ZNF35: variants seen among roughly 807,000 people sequenced by gnomAD.
The protein encoded by ZNF35 is zinc finger protein 35, also known as zinc finger protein 35 (clone HF.10).
ZNF35 carries 31 observed loss-of-function variants against 45.9 expected under a neutral mutation model. The ratio of observed to expected loss-of-function variants is 0.68; its 90% CI spans 0.51 to 0.91. The LOEUF is 0.91. Ranked by LOEUF, ZNF35 falls within the 40% of genes least tolerant of loss-of-function variation. The pLI, the probability that ZNF35 is intolerant of heterozygous loss-of-function variation, is 0.00. For missense variants in ZNF35, 515 were observed against 625.4 expected (o/e 0.82, Z 1.88); for synonymous variants, 205 against 220.2 (o/e 0.93, Z 0.61).
chr3:44,652,774 T>A, intron 3 of ZNF35, 73 bp downstream of exon 3: 1 of 1,419,098 alleles, frequency 7.0e-7, no homozygotes. Flanking sequence ...CTGGTGGGCA[T>A]CCAGTCTCCT....
Position 44,651,266 on chromosome 3 carries a change from G to A in ZNF35, c.192+7G>A, listed in dbSNP as rs565133033. On this transcript the variant is annotated splice_region_variant and intron_variant, in intron 2 of 3. Transcript: ENST00000396056. ...ATCAGAAGAGGAAGAAAAGGTAAAC[G>A]GGGGCCTGAGAGGAAGAGGGGAGGA... 17 of 1,610,120 alleles carry A rather than the reference G, an allele frequency of 1.1e-5. No homozygotes were observed. Among genetic ancestry groups the A allele is most frequent in the Middle Eastern group, 3.3e-4 (2 of 6,050 alleles).
At chr3:44,655,709 A>T (rs1378127048) in intron 3 of ZNF35, among the ~76,000 whole-genome samples, 1 of 152,202 alleles carries the variant, frequency 6.6e-6, no homozygotes, top group Non-Finnish European at 1.5e-5. Flanking sequence ...ACTTGCCAAG[A>T]CCCCAGGTCT....
chr3:44,648,161 T>C (rs1210268469), upstream of ZNF35: 1 of 152,148 alleles, frequency 6.6e-6, no homozygotes, highest in Non-Finnish European at 1.5e-5. Flanking sequence ...TTAGGACAGT[T>C]GGGAAATTTG....
chr3:44,658,989 C>T lies in ZNF35; in HGVS notation c.626C>T (p.Ala209Val), dbSNP rs778438749. 6.2e-7 allele frequency: 1 copy of T among 1,614,222 alleles called. No homozygotes were observed. Reference protein sequence around the residue: ...SGGKYSLNSGAVKNPKTQLGQ... With the variant: ...SGGKYSLNSGVVKNPKTQLGQ... ...GGAAAATATAGCCTTAATTCTGGCGCTGTTAAAAATCCAAAAACCCAGCTT... is the reference window on the plus strand; with the variant it reads ...GGAAAATATAGCCTTAATTCTGGCGTTGTTAAAAATCCAAAAACCCAGCTT... Residue 209 changes from alanine to valine, a missense_variant, in exon 4 of 4, where the codon GCT becomes GTT. Physicochemically the swap from Ala to Val is moderately conservative, Grantham distance 64 (BLOSUM62 0). Transcript: ENST00000396056.
At position 44,660,002 on chromosome 3, in the gene ZNF35, T is replaced by C. The variant is rs1703374455; in HGVS notation, c.*55T>C. 4.7e-6 allele frequency: 7 copies of C among 1,484,408 alleles called. No individual in the cohort carries two copies. The Admixed American group carries it at 1.4e-4, about 30-fold the overall frequency. 92.0% of individuals were successfully genotyped at this position (1,484,408 alleles called of 1,614,324 possible). ...TGGTCATAACCTTCTGCCTCCCTAA[T>C]GAGACACCTCTTTGCTGTTTTCTTC... On this transcript the variant is annotated 3_prime_UTR_variant, in exon 4 of 4. Transcript: ENST00000396056.
rs370667591 is a variant in ZNF35, at chr3:44,658,842, A to T, written c.479A>T (p.Asn160Ile). The T allele has an allele frequency of 2.8e-4, 455 of 1,613,604 alleles. 1 individual carries two copies. Among genetic ancestry groups the T allele is most frequent in the Non-Finnish European group, 3.7e-4 (440 of 1,179,944 alleles). ...PELGEACEKG[N>I]MLKRQRIKRE... is the part of the protein sequence containing the mutation. ...TTAGGAGAAGCTTGTGAAAAGGGAA[A>T]CATGTTAAAGAGGCAGAGAATAAAG... Residue 160 changes from asparagine (N) to isoleucine (I), a missense_variant, in exon 4 of 4, where the codon AAC (asparagine) becomes ATC (isoleucine). Asn to Ile is a moderately radical substitution (Grantham distance 149). Coordinates refer to ENST00000396056, the MANE Select transcript of ZNF35 (RefSeq NM_003420.4).
rs140976342 is a variant in ZNF35 at position 44,659,701 on chromosome 3, C to T, written c.1338C>T (p.Tyr446=). 106 of 1,613,932 alleles carry T rather than the reference C, an allele frequency of 6.6e-5. No homozygotes were observed. The African/African-American group carries it at 7.3e-4, about 11-fold the overall frequency. ...GAATTCACAGTGGAGATCTTCCTTA[C>T]GTGTGTAATGAATGTGGGAAGGCCT... ...HQRIHSGDLP[Y]VCNECGKAFT... The change falls in exon 4 of 4, where the codon TAC becomes TAT. Residue 446 remains tyrosine (Y), a synonymous_variant. Transcript: ENST00000396056. The surrounding 1 kb of genome is among the most constrained non-coding windows in gnomAD (Gnocchi z 4.3).
chr3:44,654,173 T>A (rs1703253925), intron 3 of ZNF35, among the ~76,000 whole-genome samples: 1 of 152,200 alleles, frequency 6.6e-6, no homozygotes, highest in Non-Finnish European at 1.5e-5. Flanking sequence ...ATGGGCTCCC[T>A]TTTCCTACTT....
At chr3:44,655,004 C>T (rs1454100176) in intron 3 of ZNF35, among the ~76,000 whole-genome samples, 3 of 151,922 alleles carry the variant, frequency 2.0e-5, no homozygotes, top group South Asian at 4.2e-4. Flanking sequence ...CATGGTGGTG[C>T]GTGCCTATAG....
chr3:44,650,378 C>T (rs1406725789), intron 1 of ZNF35, among the ~76,000 whole-genome samples: 1 of 152,152 alleles, frequency 6.6e-6, no homozygotes, highest in African/African-American at 2.4e-5. Flanking sequence ...ACTGCTAACA[C>T]GTTGGTATAA....
intron 2 of ZNF35, among the ~76,000 whole-genome samples, chr3:44,652,051 T>G (rs1703213278): frequency 6.6e-6 from 1 of 152,120 alleles, no homozygotes; most frequent in South Asian, 2.1e-4. Context: ...CTTTGTTTGT[T>G]TGTTTTGCAA....
At chr3:44,658,264 A>T (rs1363520615) in intron 3 of ZNF35, among the ~76,000 whole-genome samples, 2 of 152,168 alleles carry the variant, frequency 1.3e-5, no homozygotes, top group Non-Finnish European at 2.9e-5. Context: ...GTAGCAAATC[A>T]CCCTAATTAA....
chr3:44,653,212 A>G (rs958617624), intron 3 of ZNF35, among the ~76,000 whole-genome samples: 3 of 152,138 alleles, frequency 2.0e-5, no homozygotes, highest in African/African-American at 4.8e-5. Flanking sequence ...AGGGGCCTCA[A>G]TCCCCTTTAA....
At chr3:44,655,711 C>G (rs1703288590) in intron 3 of ZNF35, among the ~76,000 whole-genome samples, 1 of 152,180 alleles carries the variant, frequency 6.6e-6, no homozygotes, top group Non-Finnish European at 1.5e-5. Flanking sequence ...TTGCCAAGAC[C>G]CCAGGTCTTA....
In ZNF35 at chr3:44,659,550, G is replaced by A. The variant is rs761712280; in HGVS notation, c.1187G>A (p.Gly396Glu). 6 of 1,613,920 alleles carry A rather than the reference G, an allele frequency of 3.7e-6. No individual in the cohort carries two copies. The highest frequency in any genetic ancestry group is 1.7e-4 in the Middle Eastern group (1 of 6,060). Residue 396 changes from glycine (G) to glutamate (E), a missense_variant, in exon 4 of 4, where the codon GGG becomes GAG. This residue lies in a region of ZNF35 where 232 missense variants were observed against 304.6 expected (regional missense o/e 0.76). Transcript: ENST00000396056. The surrounding 1 kb of genome is among the most constrained non-coding windows in gnomAD (Gnocchi z 4.3). ...GEKPYECKEC[G>E]KAFSCFSHLI... ...AAGCCATATGAGTGTAAAGAGTGTG[G>A]GAAAGCCTTTAGTTGTTTTTCACAC...
In ZNF35 at chr3:44,659,772, G is replaced by C; in HGVS notation, c.1409G>C (p.Gly470Ala). ...YLLIHQRIHN[G>A]EKPYTCNECG... is the part of the protein sequence containing the mutation. ...CTTATTCATCAGAGAATTCATAATG[G>C]AGAAAAACCTTACACATGTAATGAG... The change falls in exon 4 of 4, where the codon GGA becomes GCA. Residue 470 changes from glycine (G) to alanine (A), a missense_variant. Around this residue, in one of 3 missense-constraint regions of ZNF35, gnomAD observed 232 missense variants for 304.6 expected, o/e 0.76. Transcript: ENST00000396056. The surrounding 1 kb of genome is among the most constrained non-coding windows in gnomAD (Gnocchi z 4.3). The C allele has an allele frequency of 6.2e-6, 10 of 1,613,700 alleles. No homozygotes were observed. The highest frequency in any genetic ancestry group is 8.5e-6 in the Non-Finnish European group (10 of 1,179,892).
chr3:44,647,219 T>TC (rs1302886965), upstream of ZNF35: 1 of 151,486 alleles, frequency 6.6e-6, no homozygotes, highest in South Asian at 2.1e-4. Context: ...GAAAAGATGT[T>TC]CAACATCATT....
intron 3 of ZNF35, among the ~76,000 whole-genome samples, chr3:44,655,283 A>T (rs1325338385): frequency 1.3e-5 from 2 of 152,196 alleles, no homozygotes; most frequent in African/African-American, 4.8e-5. Context: ...TTGTAAATAA[A>T]ATCTTGATAA....
At chr3:44,650,068 TTGTG>T (rs10575761) in intron 1 of ZNF35, among the ~76,000 whole-genome samples, 43,168 of 149,946 alleles carry the variant, frequency 0.29, 6,568 homozygotes, top group Non-Finnish European at 0.32. Flanking sequence ...GATAAGTACT[TTGTG>T]TGTGTGTGTG....
Sources: allele counts gnomAD v4.1 joint callset (sites outside exome capture counted in the v4.1 genomes callset), GRCh38; gene constraint gnomAD v4.1.1; regional missense constraint gnomAD v4.1.1; non-coding constraint Gnocchi (gnomAD v3.1); transcripts MANE v1.5; gene names NCBI Gene and HGNC (gene_info 2026-07-23, HGNC 2026-07-21).